KIAA0232: variants seen among roughly 807,000 people sequenced by gnomAD.
KIAA0232 encodes uncharacterized protein KIAA0232.
In KIAA0232, 27 loss-of-function variants were observed where a neutral mutation model predicts 122.0. That is an observed-to-expected ratio of 0.22 (90% confidence interval 0.16 to 0.31). The LOEUF is 0.31. Ranked by LOEUF, KIAA0232 falls within the 10% of genes least tolerant of loss-of-function variation. The pLI is 1.00. For missense variants in KIAA0232, 1,551 were observed against 1,634.2 expected (o/e 0.95, Z 0.88); for synonymous variants, 613 against 587.6 (o/e 1.04, Z -0.63).
chr4:6,871,214 C>A (rs1721463866), intron 7 of KIAA0232, among the ~76,000 whole-genome samples: 1 of 152,182 alleles, frequency 6.6e-6, no homozygotes, highest in Non-Finnish European at 1.5e-5. Flanking sequence ...TGGCAGATTG[C>A]TTGAGCCCAG....
At position 6,863,997 on chromosome 4, in the gene KIAA0232, A is replaced by G; in HGVS notation, c.3615A>G (p.Gly1205=). 6.2e-7 allele frequency: 1 copy of G among 1,614,150 alleles called. No homozygotes were observed. Among genetic ancestry groups the G allele is most frequent in the Non-Finnish European group, 8.5e-7 (1 of 1,180,004 alleles). ...AATCAACTGGGATTCTTTCAGTAGG[A>G]AAGCAAAATCAGTGTTTGGAATGTA... ...QEESTGILSV[G]KQNQCLECSM... The change falls in exon 7 of 10, where the codon GGA becomes GGG. Residue 1205 remains glycine, a synonymous_variant. Coordinates refer to ENST00000307659, the MANE Select transcript of KIAA0232 (RefSeq NM_014743.3).
At position 6,881,157 on chromosome 4, in the gene KIAA0232, T is replaced by C. The variant is rs1437692626; in HGVS notation, c.*191T>C. 1.2e-5 allele frequency: 5 copies of C among 430,844 alleles called. No individual in the cohort carries two copies. The East Asian group carries it at 1.8e-4, about 16-fold the overall frequency. 26.7% of individuals were successfully genotyped at this position (430,844 alleles called of 1,614,324 possible). Reference sequence around the variant, plus strand: ...CAGCTATCCTGTTAAAGATTTTTTTTCCCAGCTGTTAAATTCTTGGCTATT... The same window carrying C: ...CAGCTATCCTGTTAAAGATTTTTTTCCCCAGCTGTTAAATTCTTGGCTATT... On this transcript the variant is annotated 3_prime_UTR_variant, in exon 10 of 10. Coordinates refer to ENST00000307659, the MANE Select transcript of KIAA0232 (RefSeq NM_014743.3).
rs762847971 is a variant in KIAA0232 at position 6,862,949 on chromosome 4, A to G, written c.2567A>G (p.Asn856Ser). The change falls in exon 7 of 10, where the codon AAT (asparagine) becomes AGT (serine). Residue 856 changes from asparagine (N) to serine (S), a missense_variant. This residue lies in a region of KIAA0232 where 1,108 missense variants were observed against 1,154.8 expected (regional missense o/e 0.96). Transcript: ENST00000307659. ...TDAELFSADV[N>S]NYCCCLDAEA... is the part of the protein sequence containing the mutation. ...GCTGAGTTGTTTTCGGCAGATGTAAATAACTACTGCTGCTGTCTAGATGCT... is the reference window on the plus strand; with the variant it reads ...GCTGAGTTGTTTTCGGCAGATGTAAGTAACTACTGCTGCTGTCTAGATGCT... 1.4e-5 allele frequency: 22 copies of G among 1,614,100 alleles called. No individual in the cohort carries two copies. In the South Asian group the frequency reaches 1.5e-4, roughly 11 times the overall value.
chr4:6,810,910 T>C (rs981924120), intron 2 of KIAA0232, among the ~76,000 whole-genome samples: 34 of 152,152 alleles, frequency 2.2e-4, no homozygotes, highest in African/African-American at 7.5e-4. Context: ...AGAATGGCTA[T>C]TATTAAAAAG....
At chr4:6,819,773 T>C (rs1203077531) in intron 2 of KIAA0232, among the ~76,000 whole-genome samples, 2 of 152,126 alleles carry the variant, frequency 1.3e-5, no homozygotes, top group East Asian at 3.8e-4. Context: ...AAGAAATTAT[T>C]CTACCAAAAA....
intron 1 of KIAA0232, among the ~76,000 whole-genome samples, chr4:6,788,967 CTTTTTTTTTTATTTT>C (rs563955850): frequency 1.1e-3 from 162 of 149,800 alleles, no homozygotes; most frequent in African/African-American, 3.5e-3. Flanking sequence ...CATTTTCTTT[CTTTTTTTTTTATTTT>C]TATTTTGAGA....
intron 3 of KIAA0232, among the ~76,000 whole-genome samples, chr4:6,826,500 T>TG (rs1718692887): frequency 6.6e-6 from 1 of 150,680 alleles, no homozygotes; most frequent in Admixed American, 6.6e-5. Flanking sequence ...TCATAGGGAA[T>TG]GATTTTTTTT....
At chr4:6,845,214 T>C (rs1488309574) in intron 4 of KIAA0232, among the ~76,000 whole-genome samples, 2 of 152,202 alleles carry the variant, frequency 1.3e-5, no homozygotes, top group Non-Finnish European at 2.9e-5. Flanking sequence ...TAATCAGGCT[T>C]GAGCCAGCCT....
In KIAA0232 at chr4:6,862,844, G is replaced by T; in HGVS notation, c.2462G>T (p.Ser821Ile). The T allele has an allele frequency of 3.1e-6, 5 of 1,614,216 alleles. No individual in the cohort carries two copies. Among genetic ancestry groups the T allele is most frequent in the Non-Finnish European group, 4.2e-6 (5 of 1,180,038 alleles). Reference sequence around the variant, plus strand: ...GAAAGTCCACATGGAGATGGCTACAGCTCAGGGGTTATTAAAGACATTTGG... The same window carrying T: ...GAAAGTCCACATGGAGATGGCTACATCTCAGGGGTTATTAAAGACATTTGG... ...CNESPHGDGY[S>I]SGVIKDIWTK... Residue 821 changes from serine (S) to isoleucine (I), a missense_variant, in exon 7 of 10, where the codon AGC becomes ATC. By Grantham distance (142) the Ser-to-Ile change is moderately radical. Transcript: ENST00000307659.
chr4:6,854,458 CAG>C (rs1720467393), intron 4 of KIAA0232, among the ~76,000 whole-genome samples: 2 of 152,290 alleles, frequency 1.3e-5, no homozygotes, highest in South Asian at 2.1e-4. Flanking sequence ...CTCAGGAGGA[CAG>C]GGGTCGTCAT....
rs1256808780 is a variant in KIAA0232, at chr4:6,883,319, T to TTTTG, written c.*2361_*2364dup. 1.3e-5 allele frequency: 2 copies of TTTTG among 152,680 alleles called. No individual in the cohort carries two copies. The highest frequency in any genetic ancestry group is 2.9e-5 in the Non-Finnish European group (2 of 68,038). The allele number at this position is 152,680 out of a possible 1,614,324, so 9.5% of individuals were successfully genotyped here. A position where few individuals can be genotyped will look rare whatever the true frequency, so the allele number is the denominator to read the frequency against. ...ACGTACACCAGAGTAACTGATTTTTTTTTGTTTGTTTTCTTGTGGAGTTAA... is the reference window on the plus strand; with the variant it reads ...ACGTACACCAGAGTAACTGATTTTTTTTTGTTTGTTTGTTTTCTTGTGGAGTTAA... On this transcript the variant is annotated 3_prime_UTR_variant, in exon 10 of 10. Coordinates refer to ENST00000307659, the MANE Select transcript of KIAA0232 (RefSeq NM_014743.3).
intron 2 of KIAA0232, among the ~76,000 whole-genome samples, chr4:6,806,776 TAAG>T (rs1270059041): frequency 2.7e-5 from 3 of 112,240 alleles, no homozygotes; most frequent in South Asian, 3.1e-4. Context: ...ATTAAAACAA[TAAG>T]AACATACAGG....
At chr4:6,815,238 C>T (rs1718063436) in intron 2 of KIAA0232, among the ~76,000 whole-genome samples, 1 of 152,096 alleles carries the variant, frequency 6.6e-6, no homozygotes, top group Non-Finnish European at 1.5e-5. Context: ...TGGGTTTTTG[C>T]CTGTGCTTGT....
At chr4:6,826,467 T>C (rs550599329) in intron 3 of KIAA0232, among the ~76,000 whole-genome samples, 3 of 152,224 alleles carry the variant, frequency 2.0e-5, no homozygotes, top group East Asian at 3.9e-4. Flanking sequence ...TCAAAAATTA[T>C]GTACTTTATT....
Position 6,824,169 on chromosome 4 carries a change from T to C in KIAA0232, c.-269-16T>C, listed in dbSNP as rs1718559628. ...TATATATAATGCATACTTTTTTTCC[T>C]CTCTCATTTTTGTAGGTTCTGCCGG... On this transcript the variant is annotated splice_polypyrimidine_tract_variant and intron_variant, in intron 2 of 9. Coordinates refer to ENST00000307659, the MANE Select transcript of KIAA0232 (RefSeq NM_014743.3). The C allele has an allele frequency of 2.0e-6, 1 of 499,664 alleles. No individual in the cohort carries two copies. The highest frequency in any genetic ancestry group is 1.9e-5 in the African/African-American group (1 of 53,026). The allele number at this position is 499,664 out of a possible 1,614,324, so 31.0% of individuals were successfully genotyped here. A position where few individuals can be genotyped will look rare whatever the true frequency, so the allele number is the denominator to read the frequency against.
chr4:6,861,617 T>C lies in KIAA0232; in HGVS notation c.1235T>C (p.Val412Ala). Residue 412 changes from valine (V) to alanine (A), a missense_variant, in exon 7 of 10, where the codon GTT becomes GCT. Physicochemically the swap from Val to Ala is moderately conservative, Grantham distance 64. Coordinates refer to ENST00000307659, the MANE Select transcript of KIAA0232 (RefSeq NM_014743.3). ...ACCGAGCCAATTGCTGAATATTTTG[T>C]TCCTCTGAGCAGAAAAAGTAAACTA... The part of the protein sequence containing the change: ...WYTEPIAEYF[V>A]PLSRKSKLET... The C allele has an allele frequency of 6.2e-7, 1 of 1,614,050 alleles. No individual in the cohort carries two copies. Among genetic ancestry groups the C allele is most frequent in the African/African-American group, 1.3e-5 (1 of 75,052 alleles).
At position 6,842,064 on chromosome 4, in the gene KIAA0232, C is replaced by T. The variant is rs1160016967; in HGVS notation, c.232-3C>T. 6.2e-7 allele frequency: 1 copy of T among 1,612,926 alleles called. No individual in the cohort carries two copies. Among genetic ancestry groups the T allele is most frequent in the Admixed American group, 1.7e-5 (1 of 59,790 alleles). On this transcript the variant is annotated splice_region_variant and splice_polypyrimidine_tract_variant and intron_variant, in intron 3 of 9. Transcript: ENST00000307659. Reference sequence around the variant, plus strand: ...CATTTAACCTGGTGCAATTTCATTGCAGGAGAATGACATCTTCCTGGGCTG... The same window carrying T: ...CATTTAACCTGGTGCAATTTCATTGTAGGAGAATGACATCTTCCTGGGCTG...
chr4:6,785,687 C>G (rs1716592238), intron 1 of KIAA0232, among the ~76,000 whole-genome samples: 2 of 152,206 alleles, frequency 1.3e-5, no homozygotes, highest in Admixed American at 1.3e-4. Flanking sequence ...GAGCTCAGAT[C>G]TTGTCAGTCT....
At chr4:6,851,843 T>A (rs1720304151) in intron 4 of KIAA0232, among the ~76,000 whole-genome samples, 1 of 152,048 alleles carries the variant, frequency 6.6e-6, no homozygotes, top group African/African-American at 2.4e-5. Flanking sequence ...TGTAAAATGA[T>A]GAAATGGAGG....
Sources: gnomAD v4.1 joint callset for allele counts (sites outside exome capture counted in the v4.1 genomes callset) on GRCh38, gnomAD v4.1.1 for gene constraint, gnomAD v4.1.1 regional missense constraint, MANE v1.5 for transcripts, NCBI Gene and HGNC (gene_info 2026-07-23, HGNC 2026-07-21) for gene names.